TRPC3: variants seen among roughly 807,000 people sequenced by gnomAD.
TRPC3 encodes the protein short transient receptor potential channel 3.
TRPC3 carries 54 observed loss-of-function variants against 90.9 expected under a neutral mutation model. The observed-to-expected ratio is 0.59, with a 90% CI of 0.48 to 0.75. The LOEUF (loss-of-function observed/expected upper bound fraction) is 0.75, where lower values mean the gene tolerates loss of function less well. Among genes scored for constraint, TRPC3 ranks in the 30% least tolerant of loss-of-function variants. The probability of loss-of-function intolerance (pLI) is 0.00; values close to 1 mark genes in which losing one functional copy is unlikely to be tolerated. For synonymous variants in TRPC3, 424 were observed against 450.9 expected (o/e 0.94, Z 0.75); for missense variants, 918 against 1,194.5 (o/e 0.77, Z 3.41).
chr4:121,895,284 C>G (rs1728480425), intron 10 of TRPC3, among the ~76,000 whole-genome samples: 1 of 151,558 alleles, frequency 6.6e-6, no homozygotes, highest in African/African-American at 2.4e-5. Flanking sequence ...TTGAAAAAAG[C>G]ATGCAAGAAA....
Position 121,892,715 on chromosome 4 carries a change from G to A in TRPC3, c.2547+6897C>T, listed in dbSNP as rs572098068. Reference sequence around the variant, plus strand: ...GAATACACAAAAGACCTAATAAATCGAAAAGTATATCCTTAGAAAAGAAAA... The same window carrying A: ...GAATACACAAAAGACCTAATAAATCAAAAAGTATATCCTTAGAAAAGAAAA... On this transcript the variant is annotated intron_variant, in intron 10 of 11. Coordinates refer to ENST00000379645, the MANE Select transcript of TRPC3 (RefSeq NM_001130698.2). Among the ~76,000 whole-genome samples, 6 of 152,138 alleles carry A rather than the reference G, an allele frequency of 3.9e-5. No homozygotes were observed. The South Asian group carries it at 6.2e-4, about 16-fold the overall frequency.
intron 7 of TRPC3, among the ~76,000 whole-genome samples, chr4:121,905,958 T>C (rs1728865572): frequency 6.6e-6 from 1 of 152,058 alleles, no homozygotes. Flanking sequence ...ATCACAAAAT[T>C]CTCCCGCTCC....
In TRPC3 at chr4:121,910,318, T is replaced by C. The variant is rs2149124632; in HGVS notation, c.1628A>G (p.Asn543Ser). ...GPREYILQLW[N>S]VLDFGMLSIF... is the part of the protein sequence containing the mutation. The stretch of plus-strand genomic sequence containing the variant: ...GGACAGCATCCCAAAGTCAAGCACA[T>C]TCCACAACTGCAAAATGTATTCCCT... Residue 543 changes from asparagine to serine, a missense_variant, in exon 6 of 12, where the codon AAT (asparagine) becomes AGT (serine). Coordinates refer to ENST00000379645, the MANE Select transcript of TRPC3 (RefSeq NM_001130698.2). 6.2e-7 allele frequency: 1 copy of C among 1,613,818 alleles called. No homozygotes were observed. Among genetic ancestry groups the C allele is most frequent in the Admixed American group, 1.7e-5 (1 of 59,982 alleles).
intron 1 of TRPC3, among the ~76,000 whole-genome samples, chr4:121,946,151 G>A (rs922526655): frequency 3.3e-5 from 5 of 152,118 alleles, no homozygotes; most frequent in African/African-American, 1.2e-4. Context: ...AAAAATAGTG[G>A]TTAGGAAAAC....
Position 121,877,513 on chromosome 4 carries a change from G to C in TRPC3, c.*2223C>G, listed in dbSNP as rs1365703095. Reference sequence around the variant, plus strand: ...AGCAAGGCTTCTTCTTTTTAGCTGAGGGCAATTCTCCAGGGGAAGTGATTG... The same window carrying C: ...AGCAAGGCTTCTTCTTTTTAGCTGACGGCAATTCTCCAGGGGAAGTGATTG... On this transcript the variant is annotated 3_prime_UTR_variant, in exon 12 of 12. Transcript: ENST00000379645. Among the ~76,000 whole-genome samples the C allele has an allele frequency of 6.6e-6, 1 of 152,038 alleles. No individual in the cohort carries two copies. Among genetic ancestry groups the C allele is most frequent in the African/African-American group, 2.4e-5 (1 of 41,364 alleles).
chr4:121,905,206 T>C (rs1728837555), intron 7 of TRPC3, among the ~76,000 whole-genome samples: 1 of 152,044 alleles, frequency 6.6e-6, no homozygotes, highest in African/African-American at 2.4e-5. Flanking sequence ...TTCTTTTTTA[T>C]ATAAAAAAAT....
At chr4:121,927,719 T>G (rs904555862) in intron 2 of TRPC3, among the ~76,000 whole-genome samples, 1 of 152,146 alleles carries the variant, frequency 6.6e-6, no homozygotes, top group African/African-American at 2.4e-5. Context: ...ATATGAGAAA[T>G]TCAGATAAAG....
Position 121,951,650 on chromosome 4 carries a change from G to C in TRPC3, c.31C>G (p.Gln11Glu). The C allele has an allele frequency of 7.2e-7, 1 of 1,396,428 alleles. No homozygotes were observed. Among genetic ancestry groups the C allele is most frequent in the South Asian group, 1.6e-5 (1 of 60,760 alleles). The allele number at this position is 1,396,428 out of a possible 1,614,324, so 86.5% of individuals were successfully genotyped here. MSTKVRKCKE[Q>E]ARVTFPAPEE... is the part of the protein sequence containing the mutation. ...GGCGCCGGGAAGGTCACCCTTGCTT[G>C]TTCTTTGCACTTCCTGACCTTGGTG... Residue 11 changes from glutamine (Q) to glutamate (E), a missense_variant, in exon 1 of 12, where the codon CAA becomes GAA. By Grantham distance (29) the Gln-to-Glu change is conservative. Coordinates refer to ENST00000379645, the MANE Select transcript of TRPC3 (RefSeq NM_001130698.2). The surrounding 1 kb of genome is among the most constrained non-coding windows in gnomAD (Gnocchi z 4.4).
rs1291513421 is a variant in TRPC3, at chr4:121,932,488, G to A, written c.770C>T (p.Ala257Val). 1 of 1,614,208 alleles carries A rather than the reference G, an allele frequency of 6.2e-7. No individual in the cohort carries two copies. ...EVVHMLLMKG[A>V]RIERPHDYFC... ...ATAGTCGTGCGGCCGCTCGATCCTG[G>A]CACCCTTCATCAGCAGCATGTGCAC... The change falls in exon 2 of 12, where the codon GCC becomes GTC. Residue 257 changes from alanine to valine, a missense_variant. Transcript: ENST00000379645. This position sits in a 1 kb window ranked among gnomAD's most constrained non-coding sequence, Gnocchi z 7.7.
At chr4:121,917,901 A>G (rs1729370676) in intron 3 of TRPC3, among the ~76,000 whole-genome samples, 1 of 152,226 alleles carries the variant, frequency 6.6e-6, no homozygotes, top group African/African-American at 2.4e-5. Flanking sequence ...TAGGAAACAA[A>G]ATTCCCATGA....
chr4:121,946,419 T>C (rs1490926127), intron 1 of TRPC3, among the ~76,000 whole-genome samples: 1 of 152,166 alleles, frequency 6.6e-6, no homozygotes, highest in Admixed American at 6.5e-5. Context: ...GGACACGATG[T>C]GACAAATATT....
In TRPC3 at chr4:121,951,926, G is replaced by A. The variant is rs1241217973; in HGVS notation, c.-246C>T. ...GGGAGCAGCTGCCGCGGCCGTGGCT[G>A]CGACGAGGAAGCCCGGGGCCGAGCG... On this transcript the variant is annotated 5_prime_UTR_variant, in exon 1 of 12. The change creates a premature stop within an existing upstream ORF in the 5' untranslated region. Coordinates refer to ENST00000379645, the MANE Select transcript of TRPC3 (RefSeq NM_001130698.2). The surrounding 1 kb of genome is among the most constrained non-coding windows in gnomAD (Gnocchi z 4.4). Among the ~76,000 whole-genome samples the A allele has an allele frequency of 6.6e-6, 1 of 152,076 alleles. No homozygotes were observed. The highest frequency in any genetic ancestry group is 1.5e-5 in the Non-Finnish European group (1 of 68,022).
At chr4:121,937,545 G>A (rs1406879184) in intron 1 of TRPC3, among the ~76,000 whole-genome samples, 2 of 152,212 alleles carry the variant, frequency 1.3e-5, no homozygotes, top group Admixed American at 6.5e-5. Context: ...ACTGTTTAAT[G>A]TCAAGACCTT....
At chr4:121,940,737 AGG>A (rs1248550016) in intron 1 of TRPC3, among the ~76,000 whole-genome samples, 14 of 152,178 alleles carry the variant, frequency 9.2e-5, no homozygotes, top group African/African-American at 3.4e-4. Context: ...TTTGTAATAT[AGG>A]TAGTCTACTC....
rs955629332 is a variant in TRPC3 at position 121,933,248 on chromosome 4, G to A, written c.216-206C>T. The A allele has an allele frequency of 3.7e-6, 4 of 1,094,360 alleles. No homozygotes were observed. In the African/African-American group the frequency reaches 6.5e-5, roughly 18 times the overall value. The allele number at this position is 1,094,360 out of a possible 1,614,324, so 67.8% of individuals were successfully genotyped here. On this transcript the variant is annotated intron_variant, in intron 1 of 11. Transcript: ENST00000379645. ...CCTGGCTGCTAGATCCCAGAAGGAA[G>A]CCGGCAGCCCTTCAGAACAAAAGCT...
chr4:121,906,242 G>A (rs532912120), intron 7 of TRPC3, among the ~76,000 whole-genome samples: 27 of 152,084 alleles, frequency 1.8e-4, no homozygotes, highest in Non-Finnish European at 3.2e-4. Context: ...AGCAGAGATT[G>A]CATTCAAATC....
At chr4:121,944,350 C>T (rs967572551) in intron 1 of TRPC3, among the ~76,000 whole-genome samples, 1 of 144,554 alleles carries the variant, frequency 6.9e-6, no homozygotes, top group Non-Finnish European at 1.5e-5. Flanking sequence ...ACAGCAACTC[C>T]GTAAAGTTTT....
intron 1 of TRPC3, among the ~76,000 whole-genome samples, chr4:121,941,025 G>C (rs775957310): frequency 6.6e-6 from 1 of 152,174 alleles, no homozygotes; most frequent in Non-Finnish European, 1.5e-5. Context: ...TAGAAGATTA[G>C]AGCTCAGAGG....
At chr4:121,945,302 A>C (rs1391450651) in intron 1 of TRPC3, among the ~76,000 whole-genome samples, 4 of 152,236 alleles carry the variant, frequency 2.6e-5, no homozygotes, top group African/African-American at 9.6e-5. Flanking sequence ...GTTCAGTCTC[A>C]AGATGGTGGA....
Sources: allele counts gnomAD v4.1 joint callset (sites outside exome capture counted in the v4.1 genomes callset), GRCh38; gene constraint gnomAD v4.1.1; non-coding constraint Gnocchi (gnomAD v3.1); transcripts MANE v1.5; gene names NCBI Gene and HGNC (gene_info 2026-07-23, HGNC 2026-07-21).